Variants in COA8 observed in about 807,000 individuals in gnomAD.
COA8 encodes UPF0671 protein C14orf153.
Under a neutral mutation model 22.0 loss-of-function variants are expected in COA8, and 20 were observed. The observed-to-expected ratio is 0.91, with a 90% CI of 0.64 to 1.32. The LOEUF is 1.32. Ranked by LOEUF, COA8 falls within the 40% of genes most tolerant of loss-of-function variation. The pLI is 0.00. For missense variants in COA8, 266 were observed against 230.0 expected, an observed-to-expected ratio of 1.16 and a Z score of -1.01; for synonymous variants, 105 against 79.9, an observed-to-expected ratio of 1.31 and a Z score of -1.68.
chr14:103,575,522 ATGTCT>A (rs2076224323), intron 3 of COA8, among the ~76,000 whole-genome samples: 1 of 152,110 alleles, frequency 6.6e-6, no homozygotes, highest in South Asian at 2.1e-4. Context: ...GCCAGAGCAC[ATGTCT>A]TGTACACGGT....
At chr14:103,568,354 C>T (rs974281721) in intron 1 of COA8, among the ~76,000 whole-genome samples, 1 of 152,016 alleles carries the variant, frequency 6.6e-6, no homozygotes, top group African/African-American at 2.4e-5. Context: ...GCAGGCCTGG[C>T]CTGCAGAGCC....
At chr14:103,579,928 A>C (rs1315755347) in intron 3 of COA8, among the ~76,000 whole-genome samples, 1 of 139,230 alleles carries the variant, frequency 7.2e-6, no homozygotes, top group African/African-American at 2.7e-5. Flanking sequence ...ATGCCACTGC[A>C]CTCTAGCCTG....
chr14:103,577,503 C>T (rs1230029576), intron 3 of COA8, among the ~76,000 whole-genome samples: 1 of 152,162 alleles, frequency 6.6e-6, no homozygotes, highest in South Asian at 2.1e-4. Flanking sequence ...AATCCTCAGC[C>T]CCTTTTCCAG....
chr14:103,564,340 A>T (rs946827526), intron 1 of COA8, among the ~76,000 whole-genome samples: 2 of 152,170 alleles, frequency 1.3e-5, no homozygotes, highest in South Asian at 4.1e-4. Context: ...GTTCTGTGTT[A>T]CAGTGACCAA....
intron 1 of COA8, among the ~76,000 whole-genome samples, chr14:103,565,122 A>T (rs1421545165): frequency 4.7e-5 from 7 of 150,312 alleles, no homozygotes; most frequent in East Asian, 4.0e-4. Flanking sequence ...CGCCTGGTTA[A>T]TTTTTTTTTC....
At chr14:103,582,875 T>C (rs78902570) in intron 3 of COA8, among the ~76,000 whole-genome samples, 1 of 151,606 alleles carries the variant, frequency 6.6e-6, no homozygotes, top group Non-Finnish European at 1.5e-5. Context: ...TTTCATCACC[T>C]CAAGAAGAAA....
chr14:103,590,013 G>A (rs1014098439), intron 4 of COA8, among the ~76,000 whole-genome samples, 168 bp from the exon 5 acceptor site: 1 of 152,192 alleles, frequency 6.6e-6, no homozygotes, highest in African/African-American at 2.4e-5. Flanking sequence ...AGCCTGAGGA[G>A]AGGCAGGCCT....
At chr14:103,588,604 GAGGCCA>G (rs1344668150) in intron 4 of COA8, among the ~76,000 whole-genome samples, 7 of 152,136 alleles carry the variant, frequency 4.6e-5, no homozygotes, top group Admixed American at 4.6e-4. Flanking sequence ...AGCACTTTGG[GAGGCCA>G]AGGCAGATGG....
chr14:103,588,822 A>G (rs191448202), intron 4 of COA8, among the ~76,000 whole-genome samples: 5 of 152,330 alleles, frequency 3.3e-5, no homozygotes, highest in African/African-American at 1.2e-4. Flanking sequence ...AGCCTGGGCT[A>G]CAGAGTGAGA....
At chr14:103,571,326 G>A (rs911088859) in intron 1 of COA8, among the ~76,000 whole-genome samples, 3 of 151,622 alleles carry the variant, frequency 2.0e-5, no homozygotes, top group Admixed American at 2.0e-4. Context: ...CCGAGATCTC[G>A]CCACTGCCCT....
intron 3 of COA8, among the ~76,000 whole-genome samples, chr14:103,580,411 A>G (rs2076259073): frequency 6.8e-6 from 1 of 147,860 alleles, no homozygotes; most frequent in African/African-American, 2.5e-5. Context: ...GGGTTCAAGC[A>G]ATTCTCCTGC....
chr14:103,574,516 T>C, intron 3 of COA8: 1 of 489,192 alleles, frequency 2.0e-6, no homozygotes, highest in East Asian at 5.7e-5. Context: ...CAAAATAGCC[T>C]CTCCTTATTT....
At chr14:103,565,602 CCCA>C (rs1263754448) in intron 1 of COA8, among the ~76,000 whole-genome samples, 1 of 151,620 alleles carries the variant, frequency 6.6e-6, no homozygotes, top group African/African-American at 2.4e-5. Context: ...CCATCACCTC[CCCA>C]CCTTTTTTTT....
At chr14:103,567,747 G>C (rs765167723) in intron 1 of COA8, among the ~76,000 whole-genome samples, 3 of 152,174 alleles carry the variant, frequency 2.0e-5, no homozygotes, top group Non-Finnish European at 4.4e-5. Flanking sequence ...TGCAGGCCTT[G>C]TGTCTGTTGG....
In COA8 at chr14:103,571,744, AG is replaced by A; in HGVS notation, c.246del (p.Lys82AsnfsTer5). 6.2e-7 allele frequency: 1 copy of A among 1,614,212 alleles called. No individual in the cohort carries two copies. The highest frequency in any genetic ancestry group is 1.1e-5 in the South Asian group (1 of 91,092). On this transcript the variant is annotated frameshift_variant, in exon 2 of 5. Transcript: ENST00000409074. LOFTEE classifies it high-confidence loss of function. ...GAAAATGAATCTCCATTGGAACAAA[AG>A]CTTAGAAAATTAAGACAAGAAACAC... ...IPENESPLEQKLRKLRQETQE... is the reference protein window; with the variant it reads ...IPENESPLEQXLRKLRQETQE...
chr14:103,585,167 C>G (rs1017285279), intron 3 of COA8, among the ~76,000 whole-genome samples: 1 of 150,152 alleles, frequency 6.7e-6, no homozygotes, highest in Non-Finnish European at 1.5e-5. Flanking sequence ...GATGATTTGT[C>G]TTTTTGTTGC....
In COA8 at chr14:103,571,834, T is replaced by C. The variant is rs377692821; in HGVS notation, c.321+14T>C. Reference sequence around the variant, plus strand: ...ACTTTTAGTAAGGTAAGTTTAAGTTTTAGATCAGAACGGAAGGGTGCGGTG... The same window carrying C: ...ACTTTTAGTAAGGTAAGTTTAAGTTCTAGATCAGAACGGAAGGGTGCGGTG... On this transcript the variant is annotated intron_variant, in intron 2 of 4. Coordinates refer to ENST00000409074, the MANE Select transcript of COA8 (RefSeq NM_001370595.2). 6.2e-7 allele frequency: 1 copy of C among 1,611,596 alleles called. No homozygotes were observed. Among genetic ancestry groups the C allele is most frequent in the East Asian group, 2.2e-5 (1 of 44,864 alleles).
In COA8 at chr14:103,590,597, G is replaced by GT. The variant is rs1247404409; in HGVS notation, c.*312dup. The GT allele has an allele frequency of 4.4e-6, 1 of 229,030 alleles. No homozygotes were observed. 14.2% of individuals were successfully genotyped at this position (229,030 alleles called of 1,614,324 possible). A position where few individuals can be genotyped will look rare whatever the true frequency, so the allele number is the denominator to read the frequency against. On this transcript the variant is annotated 3_prime_UTR_variant, in exon 5 of 5. Coordinates refer to ENST00000409074, the MANE Select transcript of COA8 (RefSeq NM_001370595.2). ...TATTTAAAAATATTGGCCAGGCACGGTGGCTCACACCTGTAATCCCAGCAC... is the reference window on the plus strand; with the variant it reads ...TATTTAAAAATATTGGCCAGGCACGGTTGGCTCACACCTGTAATCCCAGCAC...
At chr14:103,574,442 C>T in intron 3 of COA8, 1 of 602,018 alleles carries the variant, frequency 1.7e-6, no homozygotes, top group South Asian at 1.5e-5. Context: ...ACTGAGGTCT[C>T]AGCCTTTGCA....
Sources: allele counts gnomAD v4.1 joint callset (sites outside exome capture counted in the v4.1 genomes callset), GRCh38; gene constraint gnomAD v4.1.1; transcripts MANE v1.5; gene names NCBI Gene and HGNC (gene_info 2026-07-23, HGNC 2026-07-21).